Variants in SNRK observed in about 807,000 individuals in gnomAD.
SNRK encodes SNF-related serine/threonine-protein kinase.
SNRK carries 3 observed loss-of-function variants against 48.2 expected under a neutral mutation model. The ratio of observed to expected loss-of-function variants is 0.06; its 90% CI spans 0.03 to 0.16. The LOEUF is 0.16. SNRK is among the 10% of genes least tolerant of loss of function. SNRK has a pLI of 1.00. For missense variants in SNRK, 627 were observed against 976.0 expected (o/e 0.64, Z 4.76); for synonymous variants, 376 against 366.1 (o/e 1.03, Z -0.31).
chr3:43,345,154 G>A (rs916985433), intron 6 of SNRK, among the ~76,000 whole-genome samples: 1 of 152,182 alleles, frequency 6.6e-6, no homozygotes, highest in Admixed American at 6.5e-5. Flanking sequence ...TCCTTTTGCT[G>A]TCATGGAGAC....
chr3:43,346,510 T>G (rs1194850700), intron 6 of SNRK, among the ~76,000 whole-genome samples: 1 of 152,196 alleles, frequency 6.6e-6, no homozygotes, highest in Non-Finnish European at 1.5e-5. Context: ...CAGCTCCAGG[T>G]TGGGAGATAA....
At chr3:43,345,839 T>C (rs1038397015) in intron 6 of SNRK, among the ~76,000 whole-genome samples, 7 of 152,232 alleles carry the variant, frequency 4.6e-5, no homozygotes, top group African/African-American at 1.7e-4. Context: ...GTTTCAGATA[T>C]AGTAGCACTA....
intron 1 of SNRK, among the ~76,000 whole-genome samples, chr3:43,288,104 T>C (rs1444015097): frequency 6.6e-6 from 1 of 152,196 alleles, no homozygotes; most frequent in East Asian, 1.9e-4. Flanking sequence ...GAACTAGAAA[T>C]GAGAGAAATT....
In SNRK at chr3:43,303,879, A is replaced by G; in HGVS notation, c.589+87A>G. 9.9e-7 allele frequency: 1 copy of G among 1,011,454 alleles called. No individual in the cohort carries two copies. The highest frequency in any genetic ancestry group is 1.5e-6 in the Non-Finnish European group (1 of 682,120). The allele number at this position is 1,011,454 out of a possible 1,614,324, so 62.7% of individuals were successfully genotyped here. ...GGTTGTTTATCTAAAAATGATTTCT[A>G]GAGAATTTCTGTTAAATTGGCCTTA... On this transcript the variant is annotated intron_variant, in intron 3 of 6. Transcript: ENST00000296088. This position sits in a 1 kb window ranked among gnomAD's most constrained non-coding sequence, Gnocchi z 6.2.
At chr3:43,329,929 T>G (rs1238304082) in intron 3 of SNRK, among the ~76,000 whole-genome samples, 1 of 152,192 alleles carries the variant, frequency 6.6e-6, no homozygotes, top group Non-Finnish European at 1.5e-5. Context: ...TTTTAAAACA[T>G]TATTTTGAAT....
intron 3 of SNRK, among the ~76,000 whole-genome samples, chr3:43,317,097 A>G (rs1317153031): frequency 6.6e-6 from 1 of 152,192 alleles, no homozygotes. Context: ...TGCACAATTG[A>G]TCATTGTAAG....
chr3:43,294,993 T>C (rs886323317), intron 1 of SNRK, among the ~76,000 whole-genome samples: 8 of 152,234 alleles, frequency 5.3e-5, no homozygotes, highest in Admixed American at 2.0e-4. Flanking sequence ...TCATTACTTA[T>C]TATGTGAACA....
intron 1 of SNRK, among the ~76,000 whole-genome samples, chr3:43,296,415 C>CATATATATATATATATATATATGTAT (rs371078181): frequency 7.9e-6 from 1 of 127,242 alleles, no homozygotes; most frequent in Non-Finnish European, 1.6e-5. Context: ...GATATACTGG[C>CATATATATATATATATATATATGTAT]ATATATATAT....
intron 4 of SNRK, among the ~76,000 whole-genome samples, chr3:43,339,713 G>A (rs1313774699): frequency 6.6e-6 from 1 of 150,380 alleles, no homozygotes; most frequent in Non-Finnish European, 1.5e-5. Context: ...CTACTCAGGA[G>A]GCTGAGGCAG....
chr3:43,309,391 TCAAA>T (rs1314078017), intron 3 of SNRK, among the ~76,000 whole-genome samples: 1 of 152,092 alleles, frequency 6.6e-6, no homozygotes, highest in East Asian at 1.9e-4. Context: ...GTAAAATATG[TCAAA>T]CAGTGTTGCA....
chr3:43,318,789 G>T (rs2091031811), intron 3 of SNRK, among the ~76,000 whole-genome samples: 1 of 152,054 alleles, frequency 6.6e-6, no homozygotes, highest in African/African-American at 2.4e-5. Context: ...ACTTTGGGAG[G>T]CCGAGGCAGG....
chr3:43,339,738 C>G (rs2091218175), intron 4 of SNRK, among the ~76,000 whole-genome samples: 2 of 148,142 alleles, frequency 1.4e-5, no homozygotes, highest in East Asian at 2.0e-4. Flanking sequence ...ATTGCTTGAA[C>G]CCAGGAGTTA....
chr3:43,333,494 T>A (rs1170257294), intron 4 of SNRK: 1 of 151,778 alleles, frequency 6.6e-6, no homozygotes, highest in Admixed American at 6.6e-5. Flanking sequence ...ATTAAGTGAA[T>A]TAATATGTGT....
Position 43,347,564 on chromosome 3 carries a change from A to G in SNRK, c.1305A>G (p.Thr435=). ...TGCCACCCGCAAGCTTAAAACCCACAGCCAGTGGGCGGAAGTGTCTGTTCA... is the reference window on the plus strand; with the variant it reads ...TGCCACCCGCAAGCTTAAAACCCACGGCCAGTGGGCGGAAGTGTCTGTTCA... ...STVPPASLKP[T]ASGRKCLFRV... is the part of the protein sequence containing the mutation. Residue 435 remains threonine (T), a synonymous_variant, in exon 7 of 7, where the codon ACA becomes ACG. Coordinates refer to ENST00000296088, the MANE Select transcript of SNRK (RefSeq NM_017719.5). This position sits in a 1 kb window ranked among gnomAD's most constrained non-coding sequence, Gnocchi z 5.4. 6.2e-7 allele frequency: 1 copy of G among 1,614,026 alleles called. No individual in the cohort carries two copies. Among genetic ancestry groups the G allele is most frequent in the Middle Eastern group, 1.6e-4 (1 of 6,062 alleles).
chr3:43,314,693 A>C (rs1285948874), intron 3 of SNRK, among the ~76,000 whole-genome samples: 4 of 152,196 alleles, frequency 2.6e-5, no homozygotes, highest in African/African-American at 9.6e-5. Flanking sequence ...TGCTTGTAAG[A>C]TAGTACAGCC....
chr3:43,291,171 G>A (rs1003950710), intron 1 of SNRK, among the ~76,000 whole-genome samples: 2 of 152,136 alleles, frequency 1.3e-5, no homozygotes, highest in Non-Finnish European at 2.9e-5. Flanking sequence ...CCTGCGCTCT[G>A]CATATATTGT....
At chr3:43,342,860 T>C (rs2091247554) in intron 5 of SNRK, among the ~76,000 whole-genome samples, 1 of 152,232 alleles carries the variant, frequency 6.6e-6, no homozygotes, top group African/African-American at 2.4e-5. Flanking sequence ...AGTGCCTAAA[T>C]TGCCAGTAAA....
chr3:43,309,410 A>G (rs1172721058), intron 3 of SNRK, among the ~76,000 whole-genome samples: 1 of 152,152 alleles, frequency 6.6e-6, no homozygotes, highest in Non-Finnish European at 1.5e-5. Context: ...GTTGCATGCT[A>G]GAGATAAATC....
chr3:43,320,151 C>T (rs2091042659), intron 3 of SNRK, among the ~76,000 whole-genome samples: 1 of 151,896 alleles, frequency 6.6e-6, no homozygotes, highest in African/African-American at 2.4e-5. Context: ...CCCATTTTCC[C>T]TATTGTGTTT....
Sources: allele counts gnomAD v4.1 joint callset (sites outside exome capture counted in the v4.1 genomes callset), GRCh38; gene constraint gnomAD v4.1.1; non-coding constraint Gnocchi (gnomAD v3.1); transcripts MANE v1.5; gene names NCBI Gene and HGNC (gene_info 2026-07-23, HGNC 2026-07-21).